The following ERCC6L2 variants were observed in gnomAD, a reference collection of about 807,000 sequenced individuals.
The protein encoded by ERCC6L2 is ERCC excision repair 6 like 2, also known as DNA excision repair protein ERCC-6-like 2.
ERCC6L2 carries 77 observed loss-of-function variants against 132.0 expected under a neutral mutation model. The ratio of observed to expected loss-of-function variants is 0.58; its 90% CI spans 0.49 to 0.71. ERCC6L2 has a LOEUF of 0.71. Among genes scored for constraint, ERCC6L2 ranks in the 30% least tolerant of loss-of-function variants. The pLI is 0.00. For synonymous variants in ERCC6L2, 583 were observed against 632.4 expected (o/e 0.92, Z 1.17); for missense variants, 1,542 against 1,837.6 (o/e 0.84, Z 2.94).
At chr9:95,951,034 G>A (rs543732172) in intron 12 of ERCC6L2, among the ~76,000 whole-genome samples, 3 of 152,258 alleles carry the variant, frequency 2.0e-5, no homozygotes, top group Non-Finnish European at 4.4e-5. Context: ...CTTTTCTTAA[G>A]TACACAATGA....
chr9:95,921,390 C>G, intron 7 of ERCC6L2, 75 bp downstream of exon 7: 1 of 1,221,206 alleles, frequency 8.2e-7, no homozygotes, highest in Non-Finnish European at 1.1e-6. Flanking sequence ...AAGAAAGTAG[C>G]AGATGATAAA....
chr9:95,900,781 T>A (rs1251007884), intron 3 of ERCC6L2, among the ~76,000 whole-genome samples: 1 of 152,236 alleles, frequency 6.6e-6, no homozygotes, highest in African/African-American at 2.4e-5. Context: ...TTTAATCATG[T>A]TTGTTAATTG....
At chr9:95,924,262 G>T (rs1246045253) in intron 9 of ERCC6L2, among the ~76,000 whole-genome samples, 1 of 151,618 alleles carries the variant, frequency 6.6e-6, no homozygotes, top group African/African-American at 2.4e-5. Flanking sequence ...GGTTTAGTTT[G>T]CTTGGGACCT....
At chr9:95,922,916 T>C (rs1829938374) in intron 8 of ERCC6L2, among the ~76,000 whole-genome samples, 1 of 152,178 alleles carries the variant, frequency 6.6e-6, no homozygotes, top group Admixed American at 6.5e-5. Context: ...TTTTTTCTGT[T>C]ATAGTTGATG....
At chr9:96,007,199 C>G (rs1039886870) in intron 18 of ERCC6L2, among the ~76,000 whole-genome samples, 7 of 152,220 alleles carry the variant, frequency 4.6e-5, no homozygotes, top group African/African-American at 1.7e-4. Context: ...GGGCAGTCAT[C>G]AAGCAGCTGA....
Position 95,971,861 on chromosome 9 carries a change from T to C in ERCC6L2, c.2182-72T>C. On this transcript the variant is annotated intron_variant, in intron 15 of 18. Transcript: ENST00000653738. ...TGTACCTAAATTACCTGCCCAAAGTTGAGTACTTTTCAGTTGATTCCACAT... is the reference window on the plus strand; with the variant it reads ...TGTACCTAAATTACCTGCCCAAAGTCGAGTACTTTTCAGTTGATTCCACAT... 2.1e-5 allele frequency: 21 copies of C among 1,021,170 alleles called. No individual in the cohort carries two copies. In the South Asian group the frequency reaches 3.7e-4, roughly 18 times the overall value. The allele number at this position is 1,021,170 out of a possible 1,614,324, so 63.3% of individuals were successfully genotyped here.
rs201825396 is a variant in ERCC6L2, at chr9:95,928,832, A to G, written c.1719A>G (p.Thr573=). 66 of 1,605,658 alleles carry G rather than the reference A, an allele frequency of 4.1e-5. No homozygotes were observed. In the African/African-American group the frequency reaches 7.6e-4, roughly 19 times the overall value. ...RLKIVKEFNS[T]QDVNICLVST... ...AGATTGTAAAAGAGTTCAACAGTAC[A>G]CAAGATGTTAACATTTGCCTTGTCT... The change falls in exon 11 of 19, where the codon ACA becomes ACG. Residue 573 remains threonine (T), a synonymous_variant. Transcript: ENST00000653738.
Position 96,017,945 on chromosome 9 carries a change from A to G in ERCC6L2, c.*4742A>G, listed in dbSNP as rs56372801. The stretch of plus-strand genomic sequence containing the variant: ...AATTCGGACACGTGCTACAACATAG[A>G]TGAATCTTGAGGACGGTATGCAAAG... On this transcript the variant is annotated 3_prime_UTR_variant, in exon 19 of 19. Coordinates refer to ENST00000653738, the MANE Select transcript of ERCC6L2 (RefSeq NM_020207.7). Among the ~76,000 whole-genome samples the G allele has an allele frequency of 0.03, 4,588 of 152,342 alleles. 96 individuals are homozygous for G. The highest frequency in any genetic ancestry group is 0.13 in the East Asian group (680 of 5,194).
At chr9:96,029,136 C>G (rs935764936) in intron 19 of ERCC6L2, among the ~76,000 whole-genome samples, 1 of 151,718 alleles carries the variant, frequency 6.6e-6, no homozygotes, top group Non-Finnish European at 1.5e-5. Context: ...AACCCCGTCT[C>G]TACTAAAAAT....
chr9:95,918,431 G>T, intron 6 of ERCC6L2: 1 of 413,118 alleles, frequency 2.4e-6, no homozygotes, highest in East Asian at 6.6e-5. Flanking sequence ...AAAACGAGAA[G>T]GGCCTCATAG....
At chr9:95,965,233 T>C (rs946667400) in intron 13 of ERCC6L2, among the ~76,000 whole-genome samples, 12 of 152,184 alleles carry the variant, frequency 7.9e-5, no homozygotes, top group African/African-American at 2.9e-4. Flanking sequence ...AGGTTCAAAT[T>C]CTAGGAATGA....
chr9:95,894,516 G>C (rs1427117407), intron 2 of ERCC6L2, among the ~76,000 whole-genome samples: 1 of 147,450 alleles, frequency 6.8e-6, no homozygotes, highest in Admixed American at 6.8e-5. Context: ...TGTGATCAAA[G>C]AACATATTCT....
intron 2 of ERCC6L2, among the ~76,000 whole-genome samples, chr9:95,889,882 G>A (rs899546652): frequency 2.0e-5 from 3 of 152,050 alleles, no homozygotes; most frequent in Non-Finnish European, 4.4e-5. Flanking sequence ...TTACTTAGGT[G>A]GTGTTAACAA....
chr9:95,928,328 G>T, intron 10 of ERCC6L2, 178 bp downstream of exon 10: 1 of 469,204 alleles, frequency 2.1e-6, no homozygotes, highest in Non-Finnish European at 3.7e-6. Flanking sequence ...ATTGTTTCAG[G>T]GTTGCTAAAT....
At chr9:95,919,613 C>T (rs573649217) in intron 6 of ERCC6L2, among the ~76,000 whole-genome samples, 3 of 152,264 alleles carry the variant, frequency 2.0e-5, no homozygotes, top group South Asian at 4.1e-4. Flanking sequence ...GGAGAAGAAC[C>T]CTGATAGAAT....
intron 18 of ERCC6L2, among the ~76,000 whole-genome samples, chr9:96,005,329 A>G (rs1217651967): frequency 1.3e-5 from 2 of 152,008 alleles, no homozygotes; most frequent in African/African-American, 4.8e-5. Context: ...AAAAGGACAG[A>G]CATAGAGCCT....
At chr9:95,985,667 A>T (rs6479043) in intron 17 of ERCC6L2, among the ~76,000 whole-genome samples, 1,900 of 152,296 alleles carry the variant, frequency 0.012, 28 homozygotes, top group Middle Eastern at 0.041. Flanking sequence ...GTCACTTTGT[A>T]TCTTCCAAAG....
At chr9:95,893,446 C>T (rs969997087) in intron 2 of ERCC6L2, among the ~76,000 whole-genome samples, 1 of 152,048 alleles carries the variant, frequency 6.6e-6, no homozygotes, top group African/African-American at 2.4e-5. Flanking sequence ...GTTTTCTTAT[C>T]AAAGTTACGC....
At chr9:95,900,937 G>A (rs981062863) in intron 3 of ERCC6L2, among the ~76,000 whole-genome samples, 3 of 149,274 alleles carry the variant, frequency 2.0e-5, no homozygotes, top group African/African-American at 4.9e-5. Flanking sequence ...GGCCAGGTGT[G>A]GTGGCTTGTG....
Sources: gnomAD v4.1 joint callset for allele counts (sites outside exome capture counted in the v4.1 genomes callset) on GRCh38, gnomAD v4.1.1 for gene constraint, MANE v1.5 for transcripts, NCBI Gene and HGNC (gene_info 2026-07-23, HGNC 2026-07-21) for gene names.